Variants in CA12 observed in about 807,000 individuals in gnomAD.
CA12 encodes carbonate dehydratase XII.
A neutral mutation model predicts 46.8 loss-of-function variants in CA12; 36 were observed. That is an observed-to-expected ratio of 0.77 (90% CI 0.59 to 1.02). The LOEUF (loss-of-function observed/expected upper bound fraction) is 1.02. CA12 is among the 50% of genes least tolerant of loss of function. CA12 has a pLI of 0.00. For missense variants in CA12, 436 were observed against 451.4 expected, an observed-to-expected ratio of 0.97 and a Z score of 0.31; for synonymous variants, 202 against 187.0, an observed-to-expected ratio of 1.08 and a Z score of -0.65.
At chr15:63,379,279 A>C (rs1340505971) in intron 1 of CA12, among the ~76,000 whole-genome samples, 1 of 152,092 alleles carries the variant, frequency 6.6e-6, no homozygotes. Context: ...CGGCGTTGTA[A>C]GTGAGGATGG....
intron 4 of CA12, among the ~76,000 whole-genome samples, chr15:63,344,829 T>G (rs544521822): frequency 6.6e-6 from 1 of 152,190 alleles, no homozygotes; most frequent in South Asian, 2.1e-4. Context: ...ATAGGACAAA[T>G]GCTCTGCCCG....
chr15:63,381,801 C>T lies in CA12; in HGVS notation c.-81G>A. 1.1e-6 allele frequency: 1 copy of T among 950,844 alleles called. No individual in the cohort carries two copies. Among genetic ancestry groups the T allele is most frequent in the South Asian group, 2.2e-5 (1 of 46,126 alleles). 58.9% of individuals were successfully genotyped at this position (950,844 alleles called of 1,614,324 possible). On this transcript the variant is annotated 5_prime_UTR_variant, in exon 1 of 11. Coordinates refer to ENST00000178638, the MANE Select transcript of CA12 (RefSeq NM_001218.5). ...CTCGCTCTCCAGCTGCACACCGGGA[C>T]CGCGTGCGCGCAGCCTGGGTGCCGT...
chr15:63,374,946 A>C lies in CA12; in HGVS notation c.106+712T>G, dbSNP rs1595794330. 6.6e-6 allele frequency among the ~76,000 whole-genome samples: 1 copy of C among 152,202 alleles called. No homozygotes were observed. The highest frequency in any genetic ancestry group is 6.5e-5 in the Admixed American group (1 of 15,274). ...CATTCCCGCACTGGCCAGGGGACTC[A>C]GGTGTCTGGCCTGCCACATCCATTC... On this transcript the variant is annotated intron_variant, in intron 2 of 10. Transcript: ENST00000178638. This position sits in a 1 kb window ranked among gnomAD's most constrained non-coding sequence, Gnocchi z 4.4.
Position 63,342,056 on chromosome 15 carries a change from G to A in CA12, c.471C>T (p.Ala157=). ...VHYNSDLYPD[A]STASNKSEGL... is the part of the protein sequence containing the mutation. ...CTTCTGACTTGTTGCTGGCAGTGCTGGCGTCAGGATAAAGGTCTGAGTTAT... is the reference window on the plus strand; with the variant it reads ...CTTCTGACTTGTTGCTGGCAGTGCTAGCGTCAGGATAAAGGTCTGAGTTAT... The change falls in exon 5 of 11, where the codon GCC becomes GCT. Residue 157 remains alanine, a synonymous_variant. Coordinates refer to ENST00000178638, the MANE Select transcript of CA12 (RefSeq NM_001218.5). 1 of 1,614,084 alleles carries A rather than the reference G, an allele frequency of 6.2e-7. No homozygotes were observed. The highest frequency in any genetic ancestry group is 8.5e-7 in the Non-Finnish European group (1 of 1,179,942).
intron 8 of CA12, among the ~76,000 whole-genome samples, chr15:63,338,508 T>A (rs2039032404): frequency 6.6e-6 from 1 of 152,118 alleles, no homozygotes; most frequent in Admixed American, 6.5e-5. Flanking sequence ...AGAGAAGGGA[T>A]CATTGTCTGG....
chr15:63,349,418 C>T (rs2152619387), intron 2 of CA12, among the ~76,000 whole-genome samples: 1 of 152,294 alleles, frequency 6.6e-6, no homozygotes, highest in East Asian at 1.9e-4. Flanking sequence ...CAGCCATCTG[C>T]ATCAGGAACC....
chr15:63,328,830 A>C lies in CA12; in HGVS notation c.875-700T>G, dbSNP rs2038901390. ...ATTCTCATGCCTCAGCCTCCCGAGCAGCTGGGACTGCAGGCGTGCACCACA... is the reference window on the plus strand; with the variant it reads ...ATTCTCATGCCTCAGCCTCCCGAGCCGCTGGGACTGCAGGCGTGCACCACA... On this transcript the variant is annotated intron_variant, in intron 8 of 10. Coordinates refer to ENST00000178638, the MANE Select transcript of CA12 (RefSeq NM_001218.5). This position sits in a 1 kb window ranked among gnomAD's most constrained non-coding sequence, Gnocchi z 5.9. Among the ~76,000 whole-genome samples, 1 of 152,170 alleles carries C rather than the reference A, an allele frequency of 6.6e-6. No individual in the cohort carries two copies.
Position 63,378,478 on chromosome 15 carries a change from G to GA in CA12, c.86-2801_86-2800insT, listed in dbSNP as rs1158601389. The stretch of plus-strand genomic sequence containing the variant: ...CAGACTCCCCTGAAACCAGCTATGG[G>GA]TGCATTGAGAGTTGAGGGTCCCAAG... On this transcript the variant is annotated intron_variant, in intron 1 of 10. Transcript: ENST00000178638. The surrounding 1 kb of genome is among the most constrained non-coding windows in gnomAD (Gnocchi z 4.8). 1.3e-5 allele frequency among the ~76,000 whole-genome samples: 2 copies of GA among 152,112 alleles called. No individual in the cohort carries two copies. Among genetic ancestry groups the GA allele is most frequent in the Admixed American group, 1.3e-4 (2 of 15,266 alleles).
intron 8 of CA12, among the ~76,000 whole-genome samples, chr15:63,334,209 C>T (rs2038969567): frequency 6.9e-6 from 1 of 145,486 alleles, no homozygotes; most frequent in African/African-American, 2.6e-5. Flanking sequence ...TCTCCTTCAG[C>T]TCAAATCTTC....
At position 63,333,685 on chromosome 15, in the gene CA12, G is replaced by A. The variant is rs1037827689; in HGVS notation, c.874+5134C>T. 2.3e-4 allele frequency among the ~76,000 whole-genome samples: 35 copies of A among 152,198 alleles called. 1 individual carries two copies. The highest frequency in any genetic ancestry group is 8.0e-4 in the African/African-American group (33 of 41,452). On this transcript the variant is annotated intron_variant, in intron 8 of 10. Coordinates refer to ENST00000178638, the MANE Select transcript of CA12 (RefSeq NM_001218.5). The stretch of plus-strand genomic sequence containing the variant: ...TTAGATAATTAGCCATCTTAGCCAT[G>A]TCTGATTTCCTTCTCCCTCCTTTTA...
rs1167879326 is a variant in CA12 at position 63,372,665 on chromosome 15, T to TA, written c.106+2992dup. Among the ~76,000 whole-genome samples the TA allele has an allele frequency of 2.6e-5, 4 of 152,262 alleles. No individual in the cohort carries two copies. The East Asian group carries it at 7.7e-4, about 29-fold the overall frequency. ...TTGGAAGCCGTTTCCCTCCAGCACT[T>TA]ATGCTGGGCCCTCTGTCTACCTGTG... is the stretch of plus-strand genomic sequence containing the variant. On this transcript the variant is annotated intron_variant, in intron 2 of 10. Coordinates refer to ENST00000178638, the MANE Select transcript of CA12 (RefSeq NM_001218.5). The surrounding 1 kb of genome is among the most constrained non-coding windows in gnomAD (Gnocchi z 4.5).
At chr15:63,335,625 G>T (rs1020674908) in intron 8 of CA12, among the ~76,000 whole-genome samples, 1 of 150,356 alleles carries the variant, frequency 6.7e-6, no homozygotes, top group Non-Finnish European at 1.5e-5. Context: ...CACCACACCC[G>T]GCCATCCTAG....
rs1310421033 is a variant in CA12 at position 63,329,127 on chromosome 15, A to G, written c.875-997T>C. 6.6e-6 allele frequency among the ~76,000 whole-genome samples: 1 copy of G among 152,344 alleles called. No homozygotes were observed. Among genetic ancestry groups the G allele is most frequent in the South Asian group, 2.1e-4 (1 of 4,824 alleles). On this transcript the variant is annotated intron_variant, in intron 8 of 10. Coordinates refer to ENST00000178638, the MANE Select transcript of CA12 (RefSeq NM_001218.5). This position sits in a 1 kb window ranked among gnomAD's most constrained non-coding sequence, Gnocchi z 4.8. ...GCCTCACTTCCTAAGCAAGGAATCCATCACCAGACTTCTCCCCCAGCCCAT... is the reference window on the plus strand; with the variant it reads ...GCCTCACTTCCTAAGCAAGGAATCCGTCACCAGACTTCTCCCCCAGCCCAT...
At position 63,373,357 on chromosome 15, in the gene CA12, C is replaced by CA. The variant is rs34038507; in HGVS notation, c.106+2300dup. 0.4 allele frequency among the ~76,000 whole-genome samples: 55,389 copies of CA among 138,966 alleles called. 10,981 individuals carry two copies. Among genetic ancestry groups the CA allele is most frequent in the East Asian group, 0.65 (3,087 of 4,764 alleles). 91.2% of individuals were successfully genotyped at this position (138,966 alleles called of 152,430 possible). On this transcript the variant is annotated intron_variant, in intron 2 of 10. Transcript: ENST00000178638. This position sits in a 1 kb window ranked among gnomAD's most constrained non-coding sequence, Gnocchi z 4.9. ...TCCACCCTGGGTGAGAATGAGACTC[C>CA]AAAAAAAAAAAAAAAATTTGTCCTC... is the stretch of plus-strand genomic sequence containing the variant.
rs2039181025 is a variant in CA12, at chr15:63,348,342, G to T, written c.107-1633C>A. 6.6e-6 allele frequency among the ~76,000 whole-genome samples: 1 copy of T among 152,192 alleles called. No individual in the cohort carries two copies. The highest frequency in any genetic ancestry group is 2.1e-4 in the South Asian group (1 of 4,822). On this transcript the variant is annotated intron_variant, in intron 2 of 10. Coordinates refer to ENST00000178638, the MANE Select transcript of CA12 (RefSeq NM_001218.5). This position sits in a 1 kb window ranked among gnomAD's most constrained non-coding sequence, Gnocchi z 4.6. ...CTACACCAAGATGGTGACTAGGGAA[G>T]AGGGAGGCTGGAGGATATCAAAGCA...
chr15:63,365,334 G>A (rs1047255667), intron 2 of CA12, among the ~76,000 whole-genome samples: 1 of 152,254 alleles, frequency 6.6e-6, no homozygotes, highest in Non-Finnish European at 1.5e-5. Flanking sequence ...GGCATGAGGT[G>A]TAGTGCAGGG....
Position 63,327,065 on chromosome 15 carries a change from A to G in CA12, c.992+84T>C. On this transcript the variant is annotated intron_variant, in intron 10 of 10. Coordinates refer to ENST00000178638, the MANE Select transcript of CA12 (RefSeq NM_001218.5). The surrounding 1 kb of genome is among the most constrained non-coding windows in gnomAD (Gnocchi z 4.5). ...GTGGTCCAGGTGACTGCGGCTCTTCATGCCACAAAGCTGCCTTCCCAGGCA... is the reference window on the plus strand; with the variant it reads ...GTGGTCCAGGTGACTGCGGCTCTTCGTGCCACAAAGCTGCCTTCCCAGGCA... 2.3e-6 allele frequency: 3 copies of G among 1,277,798 alleles called. No homozygotes were observed. The highest frequency in any genetic ancestry group is 3.4e-6 in the Non-Finnish European group (3 of 879,914). 79.2% of individuals were successfully genotyped at this position (1,277,798 alleles called of 1,614,324 possible).
rs2039319412 is a variant in CA12, at chr15:63,358,451, T to G, written c.107-11742A>C. Among the ~76,000 whole-genome samples, 3 of 152,308 alleles carry G rather than the reference T, an allele frequency of 2.0e-5. No individual in the cohort carries two copies. The South Asian group carries it at 6.2e-4, about 32-fold the overall frequency. On this transcript the variant is annotated intron_variant, in intron 2 of 10. Coordinates refer to ENST00000178638, the MANE Select transcript of CA12 (RefSeq NM_001218.5). ...AGCGAATACTGTGGGCAGAGGCTGC[T>G]TTTGTGACAGGCTCCTTTCCTGGCA...
Position 63,346,705 on chromosome 15 carries a change from A to G in CA12, c.111T>C (p.Pro37=). The change falls in exon 3 of 11, where the codon CCT becomes CCC. Residue 37 remains proline (P), a synonymous_variant. Transcript: ENST00000178638. ...VNGSKWTYFG[P]DGENSWSKKY... Reference sequence around the variant, plus strand: ...TCTTGGACCAGCTATTCTCCCCATCAGGACCTGGACACAGAGATCCATGCT... The same window carrying G: ...TCTTGGACCAGCTATTCTCCCCATCGGGACCTGGACACAGAGATCCATGCT... The G allele has an allele frequency of 3.7e-6, 6 of 1,614,190 alleles. No homozygotes were observed. Among genetic ancestry groups the G allele is most frequent in the Non-Finnish European group, 5.1e-6 (6 of 1,180,014 alleles).
Sources: allele counts gnomAD v4.1 joint callset (sites outside exome capture counted in the v4.1 genomes callset), GRCh38; gene constraint gnomAD v4.1.1; non-coding constraint Gnocchi (gnomAD v3.1); transcripts MANE v1.5; gene names NCBI Gene and HGNC (gene_info 2026-07-23, HGNC 2026-07-21).